Variants in DLG2 observed in about 807,000 individuals in gnomAD.
DLG2 encodes the protein disks large homolog 2.
In DLG2, 45 loss-of-function variants were observed where a neutral mutation model predicts 132.5. That is an observed-to-expected ratio of 0.34 (90% confidence interval 0.27 to 0.44). The LOEUF (loss-of-function observed/expected upper bound fraction) is 0.44. DLG2 is among the 20% of genes least tolerant of loss of function. The pLI is 1.00. For missense variants in DLG2, 1,045 were observed against 1,196.9 expected, an observed-to-expected ratio of 0.87 and a Z score of 1.87; for synonymous variants, 424 against 419.6, an observed-to-expected ratio of 1.01 and a Z score of -0.13.
chr11:85,610,910 C>A (rs1010535414), intron 2 of DLG2, among the ~76,000 whole-genome samples: 4 of 152,140 alleles, frequency 2.6e-5, no homozygotes, highest in Admixed American at 6.5e-5. Flanking sequence ...CCGGATACAG[C>A]GAGATGGCCA....
chr11:85,449,636 C>T (rs914393690), intron 3 of DLG2, among the ~76,000 whole-genome samples: 1 of 152,018 alleles, frequency 6.6e-6, no homozygotes, highest in African/African-American at 2.4e-5. Context: ...ATTTATTTCT[C>T]ATGTATTTTG....
chr11:85,148,697 G>A (rs1339941235), intron 5 of DLG2, among the ~76,000 whole-genome samples: 1 of 152,144 alleles, frequency 6.6e-6, no homozygotes, highest in Non-Finnish European at 1.5e-5. Context: ...CATTCTGTAG[G>A]TTGCCTGTTT....
In DLG2 at chr11:84,136,583, T is replaced by C. The variant is rs76227646; in HGVS notation, c.624+26878A>G. Among the ~76,000 whole-genome samples, 1,323 of 152,238 alleles carry C rather than the reference T, an allele frequency of 8.7e-3. 11 individuals carry two copies. Among genetic ancestry groups the C allele is most frequent in the Non-Finnish European group, 0.014 (941 of 68,004 alleles). On this transcript the variant is annotated intron_variant, in intron 9 of 27. Coordinates refer to ENST00000376104, the MANE Select transcript of DLG2 (RefSeq NM_001142699.3). ...TCATAGACTCGAGAAGGACAATATG[T>C]AACATGTTAATAGTAAGTACATGAG...
rs545546268 is a variant in DLG2, at chr11:85,536,827, C to T, written c.40+61830G>A. 3.9e-5 allele frequency among the ~76,000 whole-genome samples: 6 copies of T among 152,340 alleles called. 1 individual carries two copies. In the South Asian group the frequency reaches 1.2e-3, roughly 32 times the overall value. On this transcript the variant is annotated intron_variant, in intron 3 of 27. Transcript: ENST00000376104. ...ATACCAGGTCTCCATCTCTTTCTCG[C>T]TTCCCCTCTTTTCCTCTTGATTGTC... is the stretch of plus-strand genomic sequence containing the variant.
At chr11:84,697,072 G>T (rs2058694360) in intron 6 of DLG2, among the ~76,000 whole-genome samples, 1 of 151,316 alleles carries the variant, frequency 6.6e-6, no homozygotes, top group Non-Finnish European at 1.5e-5. Context: ...TTGGGCAACG[G>T]GAGAGATAAA....
intron 4 of DLG2, among the ~76,000 whole-genome samples, chr11:85,262,581 G>A (rs1359001602): frequency 6.6e-6 from 1 of 152,210 alleles, no homozygotes; most frequent in Admixed American, 6.5e-5. Flanking sequence ...TTCAGATTAA[G>A]TAAATTTACT....
At chr11:83,952,338 C>A (rs990135852) in intron 14 of DLG2, among the ~76,000 whole-genome samples, 2 of 151,586 alleles carry the variant, frequency 1.3e-5, no homozygotes, top group African/African-American at 4.8e-5. Context: ...AAGAGTGAGA[C>A]CCTGCCTCAA....
intron 6 of DLG2, among the ~76,000 whole-genome samples, chr11:85,053,632 CAAAAAAA>C (rs574119257): frequency 7.9e-4 from 72 of 91,166 alleles, no homozygotes; most frequent in Non-Finnish European, 9.6e-4. Flanking sequence ...ACTAAAAATA[CAAAAAAA>C]AAAAAAAAAA....
At chr11:84,276,251 T>C (rs1045070370) in intron 7 of DLG2, among the ~76,000 whole-genome samples, 1 of 152,236 alleles carries the variant, frequency 6.6e-6, no homozygotes, top group Admixed American at 6.5e-5. Context: ...CACATTGATA[T>C]ACGTTTGGAG....
At chr11:83,575,918 A>G (rs2096866798) in intron 19 of DLG2, among the ~76,000 whole-genome samples, 1 of 152,168 alleles carries the variant, frequency 6.6e-6, no homozygotes, top group Admixed American at 6.6e-5. Flanking sequence ...GAACAATATG[A>G]CTGACAATGG....
At chr11:84,865,334 T>C (rs1380556008) in intron 6 of DLG2, among the ~76,000 whole-genome samples, 1 of 152,180 alleles carries the variant, frequency 6.6e-6, no homozygotes, top group Admixed American at 6.5e-5. Flanking sequence ...AACACTGTTG[T>C]AGGTTATGCA....
At chr11:85,588,301 T>A (rs1274474389) in intron 3 of DLG2, among the ~76,000 whole-genome samples, 4 of 152,208 alleles carry the variant, frequency 2.6e-5, no homozygotes, top group African/African-American at 9.6e-5. Context: ...CTTTTAGATT[T>A]ATCTTCTTCC....
At chr11:85,546,088 G>A (rs533112469) in intron 3 of DLG2, among the ~76,000 whole-genome samples, 1 of 152,282 alleles carries the variant, frequency 6.6e-6, no homozygotes, top group South Asian at 2.1e-4. Flanking sequence ...ATGGTAGGGT[G>A]TTGATTTTAG....
chr11:83,809,185 T>G (rs1179000364), intron 17 of DLG2, among the ~76,000 whole-genome samples: 1 of 152,166 alleles, frequency 6.6e-6, no homozygotes, highest in African/African-American at 2.4e-5. Context: ...GCTGTGAAAG[T>G]CTCATAATTA....
rs138835140 is a variant in DLG2, at chr11:84,198,308, A to G, written c.574-34797T>C. 5.4e-3 allele frequency among the ~76,000 whole-genome samples: 829 copies of G among 152,290 alleles called. 5 individuals are homozygous for G. The highest frequency in any genetic ancestry group is 8.1e-3 in the Non-Finnish European group (549 of 68,008). On this transcript the variant is annotated intron_variant, in intron 8 of 27. Coordinates refer to ENST00000376104, the MANE Select transcript of DLG2 (RefSeq NM_001142699.3). ...TCTATAATACCATAATACTTTCACCACAAAATATAGGAGTAACAAAGTTAG... is the reference window on the plus strand; with the variant it reads ...TCTATAATACCATAATACTTTCACCGCAAAATATAGGAGTAACAAAGTTAG...
chr11:85,477,888 T>A (rs2153085278), intron 3 of DLG2, among the ~76,000 whole-genome samples: 1 of 152,350 alleles, frequency 6.6e-6, no homozygotes, highest in East Asian at 1.9e-4. Flanking sequence ...TTCAAAAATA[T>A]TTCTTATTCA....
At chr11:84,757,667 T>C (rs975420447) in intron 6 of DLG2, among the ~76,000 whole-genome samples, 3 of 152,178 alleles carry the variant, frequency 2.0e-5, no homozygotes, top group African/African-American at 7.2e-5. Context: ...CATTATCTCA[T>C]TTAATCCCTT....
At chr11:83,499,895 AT>A (rs34770236) in intron 21 of DLG2, among the ~76,000 whole-genome samples, 19 of 114,522 alleles carry the variant, frequency 1.7e-4, no homozygotes, top group South Asian at 1.4e-3. Flanking sequence ...ATATATATAT[AT>A]ATCAGTTCTG....
chr11:85,059,029 A>G (rs2063749523), intron 6 of DLG2, among the ~76,000 whole-genome samples: 1 of 151,506 alleles, frequency 6.6e-6, no homozygotes, highest in South Asian at 2.1e-4. Flanking sequence ...AAAAGTAATA[A>G]CTTTAGTTCA....
Sources: allele counts gnomAD v4.1 joint callset (sites outside exome capture counted in the v4.1 genomes callset), GRCh38; gene constraint gnomAD v4.1.1; transcripts MANE v1.5; gene names NCBI Gene and HGNC (gene_info 2026-07-23, HGNC 2026-07-21).